Variants in SGCZ observed in about 807,000 individuals in gnomAD.
SGCZ encodes the protein zeta-sarcoglycan.
SGCZ carries 40 observed loss-of-function variants against 41.3 expected under a neutral mutation model. The observed-to-expected ratio is 0.97, with a 90% CI of 0.75 to 1.26. The LOEUF is 1.26. Among genes scored for constraint, SGCZ ranks in the 50% most tolerant of loss-of-function variants. The pLI, the probability that SGCZ is intolerant of heterozygous loss-of-function variation, is 0.00. For missense variants in SGCZ, 552 were observed against 369.8 expected (o/e 1.49, Z -4.04); for synonymous variants, 206 against 137.5 (o/e 1.50, Z -3.49).
chr8:14,112,283 T>TTGG (rs1251785331), intron 5 of SGCZ, among the ~76,000 whole-genome samples: 14 of 113,862 alleles, frequency 1.2e-4, no homozygotes, highest in African/African-American at 4.1e-4. Context: ...TTTTTTTTTG[T>TTGG]GGGGGGGGGG....
intron 1 of SGCZ, among the ~76,000 whole-genome samples, chr8:15,102,297 T>C (rs1806645046): frequency 6.6e-6 from 1 of 152,162 alleles, no homozygotes; most frequent in Admixed American, 6.5e-5. Flanking sequence ...TTTCCAACTA[T>C]ATGGCATTCT....
At chr8:14,166,204 A>G (rs1423948048) in intron 4 of SGCZ, among the ~76,000 whole-genome samples, 1 of 152,218 alleles carries the variant, frequency 6.6e-6, no homozygotes, top group East Asian at 1.9e-4. Flanking sequence ...TTTTAAAAAT[A>G]GAATTCATGC....
At chr8:14,713,949 T>G (rs1316292627) in intron 1 of SGCZ, among the ~76,000 whole-genome samples, 2 of 152,178 alleles carry the variant, frequency 1.3e-5, no homozygotes, top group South Asian at 4.2e-4. Flanking sequence ...CCATTTTAAG[T>G]CTAGAAGCAT....
At chr8:14,235,118 T>G (rs1806709106) in intron 4 of SGCZ, among the ~76,000 whole-genome samples, 1 of 152,210 alleles carries the variant, frequency 6.6e-6, no homozygotes. Context: ...ATCCCCATTT[T>G]AGAGATGAGA....
At chr8:14,454,626 C>A (rs1444293180) in intron 2 of SGCZ, among the ~76,000 whole-genome samples, 1 of 151,912 alleles carries the variant, frequency 6.6e-6, no homozygotes, top group Non-Finnish European at 1.5e-5. Flanking sequence ...GGAAAATTTG[C>A]CCTAAAAGGT....
At chr8:14,190,387 A>ATG (rs1805060709) in intron 4 of SGCZ, among the ~76,000 whole-genome samples, 1 of 151,760 alleles carries the variant, frequency 6.6e-6, no homozygotes, top group African/African-American at 2.4e-5. Context: ...GTGTGTATAT[A>ATG]TATATATCAA....
Position 14,883,805 on chromosome 8 carries a change from T to C in SGCZ, c.40-328879A>G, listed in dbSNP as rs1461361874. On this transcript the variant is annotated intron_variant, in intron 1 of 7. Coordinates refer to ENST00000382080, the MANE Select transcript of SGCZ (RefSeq NM_139167.4). ...TTTTTTTTTTTTTTTTTTCCAATAG[T>C]ACCCTTCTTCTATTTTGCTGTTGTT... 6.2e-5 allele frequency among the ~76,000 whole-genome samples: 9 copies of C among 146,338 alleles called. No individual in the cohort carries two copies. The East Asian group carries it at 1.8e-3, about 29-fold the overall frequency.
intron 1 of SGCZ, among the ~76,000 whole-genome samples, chr8:14,972,088 G>A (rs1240918127): frequency 6.6e-6 from 1 of 151,980 alleles, no homozygotes; most frequent in Non-Finnish European, 1.5e-5. Context: ...TTTTCTGGAG[G>A]ATGTTATGTA....
chr8:14,576,540 G>A (rs1349051972), intron 1 of SGCZ, among the ~76,000 whole-genome samples: 1 of 152,166 alleles, frequency 6.6e-6, no homozygotes, highest in Admixed American at 6.5e-5. Context: ...AATTGAATAT[G>A]AATGGAATTA....
At chr8:14,858,024 A>T (rs923140880) in intron 1 of SGCZ, among the ~76,000 whole-genome samples, 4 of 152,162 alleles carry the variant, frequency 2.6e-5, no homozygotes, top group African/African-American at 9.7e-5. Context: ...TGAGAACATT[A>T]TGGTCTGTAA....
At chr8:14,444,590 C>G (rs928005727) in intron 2 of SGCZ, among the ~76,000 whole-genome samples, 3 of 149,100 alleles carry the variant, frequency 2.0e-5, no homozygotes, top group African/African-American at 7.4e-5. Context: ...CATATTCTCA[C>G]TCACAGGTGG....
At chr8:14,800,113 C>A (rs1041041075) in intron 1 of SGCZ, among the ~76,000 whole-genome samples, 1 of 151,838 alleles carries the variant, frequency 6.6e-6, no homozygotes, top group Admixed American at 6.6e-5. Flanking sequence ...ACCATTGAAC[C>A]AGCATCTACA....
chr8:14,533,360 A>G (rs768050101), intron 2 of SGCZ, among the ~76,000 whole-genome samples: 1 of 152,042 alleles, frequency 6.6e-6, no homozygotes, highest in Non-Finnish European at 1.5e-5. Context: ...TTCTTATCAA[A>G]TTAAAATATT....
intron 4 of SGCZ, among the ~76,000 whole-genome samples, chr8:14,220,275 G>T (rs1436480254): frequency 6.6e-6 from 1 of 152,020 alleles, no homozygotes; most frequent in Non-Finnish European, 1.5e-5. Context: ...CATGCGCAAT[G>T]GTAATGAACT....
intron 2 of SGCZ, among the ~76,000 whole-genome samples, chr8:14,383,465 C>A (rs762753873): frequency 6.6e-6 from 1 of 152,186 alleles, no homozygotes; most frequent in Non-Finnish European, 1.5e-5. Context: ...TAATTAGTTT[C>A]ATGCTTCAAA....
At chr8:14,462,294 C>T (rs530164770) in intron 2 of SGCZ, among the ~76,000 whole-genome samples, 61 of 151,928 alleles carry the variant, frequency 4.0e-4, no homozygotes, top group African/African-American at 1.4e-3. Flanking sequence ...AAATGGAACA[C>T]ACAGGTATTT....
At chr8:14,108,264 T>C in intron 5 of SGCZ, 29 bp from the exon 6 acceptor site, 3 of 1,600,284 alleles carry the variant, frequency 1.9e-6, no homozygotes, top group Non-Finnish European at 2.6e-6. Flanking sequence ...TAGCAGTCAG[T>C]ATAAGCAAGT....
chr8:14,126,303 C>CA (rs1229396773), intron 5 of SGCZ, among the ~76,000 whole-genome samples: 2 of 152,000 alleles, frequency 1.3e-5, no homozygotes, highest in Non-Finnish European at 2.9e-5. Flanking sequence ...ACAATCCCAT[C>CA]AAAAAATGGG....
chr8:14,580,547 A>C (rs930556136), intron 1 of SGCZ, among the ~76,000 whole-genome samples: 1 of 152,190 alleles, frequency 6.6e-6, no homozygotes, highest in African/African-American at 2.4e-5. Context: ...CCAACAAACA[A>C]ATAAATTGTA....
Sources: gnomAD v4.1 joint callset for allele counts (sites outside exome capture counted in the v4.1 genomes callset) on GRCh38, gnomAD v4.1.1 for gene constraint, MANE v1.5 for transcripts, NCBI Gene and HGNC (gene_info 2026-07-23, HGNC 2026-07-21) for gene names.